The following EXOC5 variants were observed in gnomAD, a reference collection of about 807,000 sequenced individuals.
The protein encoded by EXOC5 is exocyst complex component 5.
A neutral mutation model predicts 90.8 loss-of-function variants in EXOC5; 17 were observed. The ratio of observed to expected loss-of-function variants is 0.19; its 90% CI spans 0.13 to 0.28. The LOEUF (loss-of-function observed/expected upper bound fraction) is 0.28, where lower values mean the gene tolerates loss of function less well. Among genes scored for constraint, EXOC5 ranks in the 10% least tolerant of loss-of-function variants. The pLI, the probability that EXOC5 is intolerant of heterozygous loss-of-function variation, is 1.00. For synonymous variants in EXOC5, 260 were observed against 270.0 expected, an observed-to-expected ratio of 0.96 and a Z score of 0.36; for missense variants, 569 against 830.6, an observed-to-expected ratio of 0.69 and a Z score of 3.87.
chr14:57,210,945 T>A (rs976978495), intron 15 of EXOC5, among the ~76,000 whole-genome samples: 1 of 152,144 alleles, frequency 6.6e-6, no homozygotes, highest in Non-Finnish European at 1.5e-5. Context: ...TTTTTTTAGG[T>A]GACAAGAAAC....
In EXOC5 at chr14:57,257,878, G is replaced by C. The variant is rs1263376758; in HGVS notation, c.28-10166C>G. Among the ~76,000 whole-genome samples, 3 of 151,948 alleles carry C rather than the reference G, an allele frequency of 2.0e-5. No homozygotes were observed. The South Asian group carries it at 6.2e-4, about 32-fold the overall frequency. Reference sequence around the variant, plus strand: ...ACAATTCCCTGTAATACAAATACCTGTAAAAAAATTTTTAAATCCTTCAGA... The same window carrying C: ...ACAATTCCCTGTAATACAAATACCTCTAAAAAAATTTTTAAATCCTTCAGA... On this transcript the variant is annotated intron_variant, in intron 1 of 17. Coordinates refer to ENST00000621441, the MANE Select transcript of EXOC5 (RefSeq NM_006544.4).
chr14:57,242,435 G>A (rs1390818534), intron 4 of EXOC5, among the ~76,000 whole-genome samples: 2 of 151,286 alleles, frequency 1.3e-5, no homozygotes, highest in Non-Finnish European at 2.9e-5. Flanking sequence ...GTAGAGATGC[G>A]GTTTCACCAT....
In EXOC5 at chr14:57,234,012, A is replaced by G; in HGVS notation, c.690T>C (p.Asp230=). The G allele has an allele frequency of 6.3e-7, 1 of 1,596,652 alleles. No individual in the cohort carries two copies. The highest frequency in any genetic ancestry group is 8.6e-7 in the Non-Finnish European group (1 of 1,164,420). ...CCTCCTGGCACTGCTTTATATAAAC[A>G]TCAACACAATGGGAATAACCCTACA... ...LHFKGYSHCV[D]VYIKQCQEGA... The change falls in exon 8 of 18, where the codon GAT becomes GAC. Residue 230 remains aspartate, a synonymous_variant. Transcript: ENST00000621441.
chr14:57,246,990 A>G (rs1185505851), intron 2 of EXOC5, 132 bp from the exon 3 acceptor site: 3 of 550,890 alleles, frequency 5.4e-6, no homozygotes, highest in Non-Finnish European at 6.1e-6. Context: ...AATTTTTTCT[A>G]TAGCATCTTG....
chr14:57,246,059 A>AG (rs1027481071), intron 3 of EXOC5, among the ~76,000 whole-genome samples: 4 of 151,664 alleles, frequency 2.6e-5, no homozygotes, highest in African/African-American at 7.3e-5. Flanking sequence ...TAAAAAAAAA[A>AG]GGGGGGAATC....
At chr14:57,239,722 T>C (rs1883798212) in intron 4 of EXOC5, 63 bp from the exon 5 acceptor site, 4 of 988,626 alleles carry the variant, frequency 4.0e-6, no homozygotes, top group East Asian at 2.7e-5. Context: ...AAAATAATTA[T>C]ATATCTGAAA....
intron 4 of EXOC5, among the ~76,000 whole-genome samples, chr14:57,242,761 C>T (rs1182489765): frequency 6.6e-6 from 1 of 152,066 alleles, no homozygotes; most frequent in Non-Finnish European, 1.5e-5. Flanking sequence ...AATTGGCAAT[C>T]TAATACTATA....
rs114801120 is a variant in EXOC5, at chr14:57,201,452, A to G, written c.*7157T>C. On this transcript the variant is annotated 3_prime_UTR_variant, in exon 18 of 18. Transcript: ENST00000621441. ...TATACACACACACACGTGTGTATAT[A>G]TACACACGCGTGTATATGTACACAC... is the stretch of plus-strand genomic sequence containing the variant. 2.1e-4 allele frequency: 31 copies of G among 149,132 alleles called. No homozygotes were observed. The highest frequency in any genetic ancestry group is 1.2e-3 in the Admixed American group (18 of 14,892). 9.2% of individuals were successfully genotyped at this position (149,132 alleles called of 1,614,324 possible). A position where few individuals can be genotyped will look rare whatever the true frequency, so the allele number is the denominator to read the frequency against.
At chr14:57,212,126 A>G (rs1882845771) in intron 15 of EXOC5, among the ~76,000 whole-genome samples, 2 of 152,184 alleles carry the variant, frequency 1.3e-5, no homozygotes, top group Admixed American at 1.3e-4. Flanking sequence ...CAGCCTCCCA[A>G]AGTGTTGGGA....
At position 57,217,413 on chromosome 14, in the gene EXOC5, A is replaced by G. The variant is rs1883006054; in HGVS notation, c.1613+569T>C. 4.6e-5 allele frequency among the ~76,000 whole-genome samples: 7 copies of G among 152,300 alleles called. No homozygotes were observed. In the South Asian group the frequency reaches 1.5e-3, roughly 32 times the overall value. On this transcript the variant is annotated intron_variant, in intron 15 of 17. Coordinates refer to ENST00000621441, the MANE Select transcript of EXOC5 (RefSeq NM_006544.4). ...TGTTCACTTTGTGTTTCTGTGTCAC[A>G]TTTTGGTAATCCTTACAATATTTCA...
At chr14:57,242,109 G>C (rs574933095) in intron 4 of EXOC5, among the ~76,000 whole-genome samples, 20 of 149,192 alleles carry the variant, frequency 1.3e-4, no homozygotes, top group African/African-American at 4.9e-4. Flanking sequence ...CTCCAGCCTG[G>C]GGGACAGAGC....
At position 57,244,265 on chromosome 14, in the gene EXOC5, G is replaced by T. The variant is rs1217607169; in HGVS notation, c.365C>A (p.Thr122Lys). The T allele has an allele frequency of 1.2e-6, 2 of 1,612,938 alleles. No homozygotes were observed. The highest frequency in any genetic ancestry group is 2.2e-5 in the East Asian group (1 of 44,860). Residue 122 changes from threonine (T) to lysine (K), a missense_variant, in exon 4 of 18, where the codon ACA (threonine) becomes AAA (lysine). By Grantham distance (78) the Thr-to-Lys change is moderately conservative (BLOSUM62 -1). Coordinates refer to ENST00000621441, the MANE Select transcript of EXOC5 (RefSeq NM_006544.4). ...HLGDQLEGVN[T>K]PRQRAVEAQK... is the part of the protein sequence containing the mutation. Reference sequence around the variant, plus strand: ...AGCCTCCACTGCCCGTTGTCTGGGTGTGTTTACCCCCTCTAACTGGTCTCC... The same window carrying T: ...AGCCTCCACTGCCCGTTGTCTGGGTTTGTTTACCCCCTCTAACTGGTCTCC...
At chr14:57,267,935 T>A (rs1884735423) in intron 1 of EXOC5, among the ~76,000 whole-genome samples, 1 of 152,190 alleles carries the variant, frequency 6.6e-6, no homozygotes, top group African/African-American at 2.4e-5. Flanking sequence ...AAACTTTTTT[T>A]ATTTTATAAT....
chr14:57,234,470 CATATAA>C lies in EXOC5; in HGVS notation c.670-444_670-439del, dbSNP rs554590882. 2.8e-4 allele frequency among the ~76,000 whole-genome samples: 40 copies of C among 144,538 alleles called. No individual in the cohort carries two copies. In the South Asian group the frequency reaches 7.7e-3, roughly 28 times the overall value. 94.8% of individuals were successfully genotyped at this position (144,538 alleles called of 152,430 possible). On this transcript the variant is annotated intron_variant, in intron 7 of 17. Transcript: ENST00000621441. ...TATATATATGTATGTGTTTTATATA[CATATAA>C]ATATATTTATATATATTAAAGTGTG... is the stretch of plus-strand genomic sequence containing the variant.
At chr14:57,264,781 G>C (rs1205081667) in intron 1 of EXOC5, among the ~76,000 whole-genome samples, 5 of 152,122 alleles carry the variant, frequency 3.3e-5, no homozygotes, top group East Asian at 1.9e-4. Context: ...CTTTCTTCTA[G>C]AGGCAATCTT....
rs1883271483 is a variant in EXOC5, at chr14:57,225,256, A to G, written c.1297-2840T>C. Among the ~76,000 whole-genome samples the G allele has an allele frequency of 2.0e-5, 3 of 152,232 alleles. No homozygotes were observed. The South Asian group carries it at 6.2e-4, about 31-fold the overall frequency. On this transcript the variant is annotated intron_variant, in intron 12 of 17. Coordinates refer to ENST00000621441, the MANE Select transcript of EXOC5 (RefSeq NM_006544.4). Reference sequence around the variant, plus strand: ...CACTATAATTTACCATATTAACAGAATAACAAAGTTTTGCATAACATCTAA... The same window carrying G: ...CACTATAATTTACCATATTAACAGAGTAACAAAGTTTTGCATAACATCTAA...
chr14:57,240,415 G>A (rs1566499858), intron 4 of EXOC5, among the ~76,000 whole-genome samples: 3 of 152,030 alleles, frequency 2.0e-5, no homozygotes, highest in Admixed American at 6.5e-5. Flanking sequence ...CCGAGTAGCT[G>A]GGATTACAGG....
intron 1 of EXOC5, 146 bp downstream of exon 1, chr14:57,268,476 G>T: frequency 7.0e-7 from 1 of 1,419,952 alleles, no homozygotes; most frequent in Non-Finnish European, 9.3e-7. Context: ...GCGCTGACAC[G>T]GAGCTGCCAC....
chr14:57,245,943 G>C (rs1884020353), intron 3 of EXOC5, among the ~76,000 whole-genome samples: 1 of 151,986 alleles, frequency 6.6e-6, no homozygotes, highest in Non-Finnish European at 1.5e-5. Flanking sequence ...CTACCTACTC[G>C]GGAGGCTGAG....
Sources: allele counts gnomAD v4.1 joint callset (sites outside exome capture counted in the v4.1 genomes callset), GRCh38; gene constraint gnomAD v4.1.1; transcripts MANE v1.5; gene names NCBI Gene and HGNC (gene_info 2026-07-23, HGNC 2026-07-21).